Variants in ANKRD30A observed in about 807,000 individuals in gnomAD.
The protein encoded by ANKRD30A is ankyrin repeat domain 30A.
ANKRD30A carries 170 observed loss-of-function variants against 166.3 expected under a neutral mutation model. The observed-to-expected ratio is 1.02, with a 90% CI of 0.90 to 1.16. ANKRD30A has a LOEUF of 1.16. Ranked by LOEUF, ANKRD30A falls within the 50% of genes most tolerant of loss-of-function variation. The pLI is 0.00. For missense variants in ANKRD30A, 1,630 were observed against 1,518.0 expected (o/e 1.07, Z -1.23); for synonymous variants, 564 against 508.9 (o/e 1.11, Z -1.46).
chr10:37,247,668 G>A, the ANKRD30A span, among the ~76,000 whole-genome samples: 1 of 150,368 alleles, frequency 6.7e-6, no homozygotes, highest in East Asian at 2.0e-4. Flanking sequence ...TCAGGGGATC[G>A]AGACCATCCT....
At chr10:37,131,978 C>G (rs1265218223) in intron 3 of ANKRD30A, among the ~76,000 whole-genome samples, 2 of 152,060 alleles carry the variant, frequency 1.3e-5, no homozygotes, top group African/African-American at 4.8e-5. Context: ...TCAAGAAGCT[C>G]TTGGTTTAGA....
the ANKRD30A span, among the ~76,000 whole-genome samples, chr10:37,258,336 A>G: frequency 6.6e-6 from 1 of 152,182 alleles, no homozygotes; most frequent in African/African-American, 2.4e-5. Context: ...AAGAACCAAG[A>G]AAGTTCTGAA....
chr10:37,232,984 C>G (rs1431162118), downstream of ANKRD30A, among the ~76,000 whole-genome samples: 1 of 151,318 alleles, frequency 6.6e-6, no homozygotes, highest in African/African-American at 2.4e-5. Context: ...CTGTGTATCA[C>G]TGTCACTAAA....
chr10:37,171,858 G>A (rs1243115707), intron 21 of ANKRD30A, among the ~76,000 whole-genome samples: 2 of 147,290 alleles, frequency 1.4e-5, no homozygotes, highest in African/African-American at 5.0e-5. Flanking sequence ...AAGTAGTTCA[G>A]TTTATGGTCT....
At chr10:37,135,430 G>T (rs1055894651) in intron 5 of ANKRD30A, 3 of 152,150 alleles carry the variant, frequency 2.0e-5, no homozygotes, top group Admixed American at 1.3e-4. Flanking sequence ...ACCAAGTATT[G>T]CAATTGTGAT....
At position 37,216,256 on chromosome 10, in the gene ANKRD30A, G is replaced by T. The variant is rs1486247802; in HGVS notation, c.2945G>T (p.Cys982Phe). The change falls in exon 32 of 36, where the codon TGT becomes TTT. Residue 982 changes from cysteine (C) to phenylalanine (F), a missense_variant. Cys to Phe is a radical substitution (Grantham distance 205). Around this residue, in one of 4 missense-constraint regions of ANKRD30A, gnomAD observed 712 missense variants for 629.3 expected, o/e 1.13. Coordinates refer to ENST00000361713, the MANE Select transcript of ANKRD30A (RefSeq NM_052997.3). ...GCAAGGGAACTTCAAAAAGATCACT[G>T]TGAACAACGTACAGGAAAAATGGAA... ...ERARELQKDH[C>F]EQRTGKMEQM... The T allele has an allele frequency of 1.2e-6, 2 of 1,608,220 alleles. No individual in the cohort carries two copies. Among genetic ancestry groups the T allele is most frequent in the African/African-American group, 2.7e-5 (2 of 74,514 alleles).
the ANKRD30A span, among the ~76,000 whole-genome samples, chr10:37,251,989 T>C: frequency 2.6e-5 from 4 of 152,160 alleles, no homozygotes; most frequent in Non-Finnish European, 5.9e-5. Context: ...CATGTCACCT[T>C]TACAGGAACC....
the ANKRD30A span, among the ~76,000 whole-genome samples, chr10:37,255,662 T>A: frequency 6.6e-6 from 1 of 152,144 alleles, no homozygotes; most frequent in Non-Finnish European, 1.5e-5. Flanking sequence ...CCCGAGCTCC[T>A]GAGAGGAATA....
At chr10:37,235,512 T>A (rs1843632391), downstream of ANKRD30A, among the ~76,000 whole-genome samples, 1 of 152,170 alleles carries the variant, frequency 6.6e-6, no homozygotes, top group African/African-American at 2.4e-5. Context: ...AAATAGAGAA[T>A]GGTATTACAT....
the ANKRD30A span, among the ~76,000 whole-genome samples, chr10:37,243,833 T>G: frequency 5.9e-5 from 9 of 152,198 alleles, no homozygotes; most frequent in African/African-American, 1.9e-4. Context: ...AGTAGATATT[T>G]TTTCTCAATT....
chr10:37,218,190 A>G (rs1409564780), intron 33 of ANKRD30A, among the ~76,000 whole-genome samples: 2 of 150,950 alleles, frequency 1.3e-5, no homozygotes, highest in African/African-American at 4.8e-5. Context: ...TTTAATACTG[A>G]CTCAAACATT....
chr10:37,147,342 A>G (rs1837579917), intron 8 of ANKRD30A, 28 bp from the exon 9 acceptor site: 1 of 1,478,458 alleles, frequency 6.8e-7, no homozygotes, highest in Non-Finnish European at 9.2e-7. Context: ...TTAAAACTGA[A>G]ATTATCTATT....
chr10:37,155,851 G>T (rs753196995), intron 13 of ANKRD30A, among the ~76,000 whole-genome samples: 5 of 152,036 alleles, frequency 3.3e-5, no homozygotes, highest in Admixed American at 6.5e-5. Flanking sequence ...GGAGGGCGAC[G>T]CGGGCGGATC....
At chr10:37,236,246 A>G (rs1843670232), downstream of ANKRD30A, among the ~76,000 whole-genome samples, 1 of 152,192 alleles carries the variant, frequency 6.6e-6, no homozygotes, top group Non-Finnish European at 1.5e-5. Context: ...AGTTCAGAAC[A>G]TAGGAATTAG....
chr10:37,256,137 TCATAC>T, the ANKRD30A span, among the ~76,000 whole-genome samples: 16 of 152,320 alleles, frequency 1.1e-4, no homozygotes, highest in South Asian at 3.3e-3. Context: ...ACTCATTCCA[TCATAC>T]CATTCTGACC....
intron 31 of ANKRD30A, among the ~76,000 whole-genome samples, chr10:37,204,500 A>G (rs1049052755): frequency 6.6e-6 from 1 of 152,204 alleles, no homozygotes; most frequent in Non-Finnish European, 1.5e-5. Flanking sequence ...TGTTAGACCT[A>G]AAACCATAAA....
intron 15 of ANKRD30A, among the ~76,000 whole-genome samples, chr10:37,161,271 C>T (rs1838841416): frequency 6.6e-6 from 1 of 151,934 alleles, no homozygotes; most frequent in South Asian, 2.1e-4. Context: ...CAGGAGAATG[C>T]ATTATATTGC....
At chr10:37,126,504 G>C (rs1836022456) in intron 1 of ANKRD30A, among the ~76,000 whole-genome samples, 1 of 152,144 alleles carries the variant, frequency 6.6e-6, no homozygotes. Flanking sequence ...ATGTAAATAT[G>C]TTCTTTGCTG....
At chr10:37,237,166 C>A (rs1843703407), downstream of ANKRD30A, among the ~76,000 whole-genome samples, 1 of 152,138 alleles carries the variant, frequency 6.6e-6, no homozygotes, top group African/African-American at 2.4e-5. Flanking sequence ...TGGAGGAAAT[C>A]ACTGGCATCA....
Sources: gnomAD v4.1 joint callset for allele counts (sites outside exome capture counted in the v4.1 genomes callset) on GRCh38, gnomAD v4.1.1 for gene constraint, gnomAD v4.1.1 regional missense constraint, MANE v1.5 for transcripts, NCBI Gene and HGNC (gene_info 2026-07-23, HGNC 2026-07-21) for gene names.